The following CCDC6 variants were observed in gnomAD, a reference collection of about 807,000 sequenced individuals.
The protein encoded by CCDC6 is coiled-coil domain-containing protein 6.
Under a neutral mutation model 56.6 loss-of-function variants are expected in CCDC6, and 20 were observed. The observed-to-expected ratio is 0.35, with a 90% CI of 0.25 to 0.51. The LOEUF (loss-of-function observed/expected upper bound fraction) is 0.51, where lower values mean the gene tolerates loss of function less well. CCDC6 is among the 20% of genes least tolerant of loss of function. The probability of loss-of-function intolerance (pLI) is 0.95; values close to 1 mark genes in which losing one functional copy is unlikely to be tolerated. For missense variants in CCDC6, 367 were observed against 601.1 expected (o/e 0.61, Z 4.07); for synonymous variants, 241 against 234.4 (o/e 1.03, Z -0.26).
intron 1 of CCDC6, among the ~76,000 whole-genome samples, chr10:59,882,047 C>CGGGGGGAGA (rs1564755820): frequency 1.2e-5 from 1 of 83,672 alleles, no homozygotes; most frequent in Non-Finnish European, 2.2e-5. Context: ...AAAGGAAAGC[C>CGGGGGGAGA]AGGGGGAGAA....
In CCDC6 at chr10:59,812,698, T is replaced by C. The variant is rs2070682673; in HGVS notation, c.784A>G (p.Ile262Val). The C allele has an allele frequency of 5.0e-6, 8 of 1,613,178 alleles. No individual in the cohort carries two copies. The highest frequency in any genetic ancestry group is 6.8e-6 in the Non-Finnish European group (8 of 1,179,226). ...IDSPENMMRHIRFLKNEVERL... is the reference protein window; with the variant it reads ...IDSPENMMRHVRFLKNEVERL... ...TCCACTTCATTCTTTAAAAACCTGA[T>C]GTGACGCATCATATTTTCTGGAGAA... Residue 262 changes from isoleucine (I) to valine (V), a missense_variant, in exon 5 of 9, where the codon ATC becomes GTC. Transcript: ENST00000263102.
chr10:59,833,299 G>C (rs981798474), intron 2 of CCDC6, among the ~76,000 whole-genome samples: 1 of 152,052 alleles, frequency 6.6e-6, no homozygotes, highest in African/African-American at 2.4e-5. Flanking sequence ...AAATATGAAA[G>C]TCAGCTGGGC....
chr10:59,843,108 G>A (rs1039633232), intron 2 of CCDC6, among the ~76,000 whole-genome samples: 24 of 152,192 alleles, frequency 1.6e-4, no homozygotes, highest in African/African-American at 5.3e-4. Flanking sequence ...GGATGGTCTC[G>A]ATCTCCTGAC....
intron 1 of CCDC6, among the ~76,000 whole-genome samples, chr10:59,885,548 C>T (rs977332072): frequency 2.0e-5 from 3 of 152,128 alleles, no homozygotes; most frequent in African/African-American, 7.2e-5. Flanking sequence ...AGATTCAGGA[C>T]TGAGAGCCCT....
At chr10:59,855,294 G>A (rs770025959) in intron 1 of CCDC6, among the ~76,000 whole-genome samples, 25 of 152,190 alleles carry the variant, frequency 1.6e-4, no homozygotes, top group African/African-American at 3.4e-4. Flanking sequence ...TAGGCCAGGC[G>A]CAGTGGCTCA....
chr10:59,854,079 T>A (rs1178155984), intron 1 of CCDC6, among the ~76,000 whole-genome samples: 1 of 152,130 alleles, frequency 6.6e-6, no homozygotes, highest in Non-Finnish European at 1.5e-5. Context: ...AAGAGCCACA[T>A]GAATTCCAGG....
chr10:59,843,773 A>G (rs962175088), intron 2 of CCDC6, among the ~76,000 whole-genome samples: 1 of 152,164 alleles, frequency 6.6e-6, no homozygotes, highest in African/African-American at 2.4e-5. Flanking sequence ...TCCAAAATCA[A>G]AGCCTTGTGT....
intron 1 of CCDC6, among the ~76,000 whole-genome samples, chr10:59,889,205 C>T (rs2071404124): frequency 6.6e-6 from 1 of 152,194 alleles, no homozygotes; most frequent in Non-Finnish European, 1.5e-5. Flanking sequence ...CAGAGCTTCC[C>T]ATCTGGCATT....
chr10:59,844,730 C>CA (rs1204929280), intron 2 of CCDC6, among the ~76,000 whole-genome samples: 1 of 134,400 alleles, frequency 7.4e-6, no homozygotes, highest in African/African-American at 2.9e-5. Context: ...CCAGCCTGGG[C>CA]AACAGAGACT....
At chr10:59,811,424 G>A (rs1039881366) in intron 5 of CCDC6, among the ~76,000 whole-genome samples, 3 of 152,182 alleles carry the variant, frequency 2.0e-5, no homozygotes, top group African/African-American at 4.8e-5. Flanking sequence ...GTATAGAGAT[G>A]TTCATTGCGG....
At chr10:59,872,848 A>G (rs2071243273) in intron 1 of CCDC6, among the ~76,000 whole-genome samples, 1 of 152,018 alleles carries the variant, frequency 6.6e-6, no homozygotes, top group South Asian at 2.1e-4. Flanking sequence ...TAGAACTTCT[A>G]AGAAATATTG....
chr10:59,881,566 T>C (rs944527845), intron 1 of CCDC6, among the ~76,000 whole-genome samples: 1 of 152,164 alleles, frequency 6.6e-6, no homozygotes, highest in Admixed American at 6.5e-5. Context: ...TGGGGGGTTC[T>C]TGCATAAATG....
At chr10:59,831,424 C>T (rs980766905) in intron 3 of CCDC6, among the ~76,000 whole-genome samples, 2 of 152,176 alleles carry the variant, frequency 1.3e-5, no homozygotes, top group African/African-American at 2.4e-5. Flanking sequence ...CCTTGCAGCA[C>T]GATCACTGTT....
chr10:59,829,078 T>C (rs2070813066), intron 3 of CCDC6, among the ~76,000 whole-genome samples: 1 of 152,226 alleles, frequency 6.6e-6, no homozygotes, highest in Non-Finnish European at 1.5e-5. Flanking sequence ...ATCTGACTAA[T>C]TGAAGTGTCC....
chr10:59,854,181 GTAAA>G (rs1044731729), intron 1 of CCDC6, among the ~76,000 whole-genome samples: 4 of 152,046 alleles, frequency 2.6e-5, no homozygotes, highest in African/African-American at 9.7e-5. Flanking sequence ...ACCTCTTACT[GTAAA>G]AGGCTCCGAC....
chr10:59,794,693 C>T, intron 7 of CCDC6, 96 bp from the exon 8 acceptor site: 1 of 1,007,732 alleles, frequency 9.9e-7, no homozygotes, highest in South Asian at 1.5e-5. Context: ...TTCTCTATCA[C>T]CCACAAAAAT....
intron 7 of CCDC6, among the ~76,000 whole-genome samples, chr10:59,803,904 C>T (rs1275562850): frequency 2.0e-5 from 3 of 152,178 alleles, no homozygotes; most frequent in Non-Finnish European, 4.4e-5. Flanking sequence ...GCTCTTTAAA[C>T]AGATAGGCCC....
intron 1 of CCDC6, among the ~76,000 whole-genome samples, chr10:59,904,291 T>C (rs1267922203): frequency 6.6e-6 from 1 of 152,212 alleles, no homozygotes; most frequent in Non-Finnish European, 1.5e-5. Flanking sequence ...AATGAACACA[T>C]TTGTTCCTGC....
At chr10:59,888,406 G>A (rs944668907) in intron 1 of CCDC6, among the ~76,000 whole-genome samples, 17 of 152,220 alleles carry the variant, frequency 1.1e-4, no homozygotes, top group East Asian at 3.8e-4. Flanking sequence ...CTGCTGCTTC[G>A]TCATGGGGGC....
Sources: allele counts gnomAD v4.1 joint callset (sites outside exome capture counted in the v4.1 genomes callset), GRCh38; gene constraint gnomAD v4.1.1; transcripts MANE v1.5; gene names NCBI Gene and HGNC (gene_info 2026-07-23, HGNC 2026-07-21).